The following ADGRL3 variants were observed in gnomAD, a reference collection of about 807,000 sequenced individuals.
ADGRL3 encodes adhesion G protein-coupled receptor L3.
A neutral mutation model predicts 153.5 loss-of-function variants in ADGRL3; 62 were observed. The observed-to-expected ratio is 0.40, with a 90% CI of 0.33 to 0.50. ADGRL3 has a LOEUF of 0.50. ADGRL3 is among the 20% of genes least tolerant of loss of function. The pLI is 0.47. For missense variants in ADGRL3, 1,641 were observed against 1,859.4 expected, an observed-to-expected ratio of 0.88 and a Z score of 2.16; for synonymous variants, 710 against 672.5, an observed-to-expected ratio of 1.06 and a Z score of -0.86.
intron 2 of ADGRL3, among the ~76,000 whole-genome samples, chr4:61,386,470 A>G (rs919957689): frequency 2.0e-5 from 3 of 152,198 alleles, no homozygotes; most frequent in African/African-American, 7.2e-5. Flanking sequence ...TTTGTAATAA[A>G]TTAACATCTA....
At chr4:61,916,321 T>G (rs1022669989) in intron 13 of ADGRL3, among the ~76,000 whole-genome samples, 2 of 152,214 alleles carry the variant, frequency 1.3e-5, no homozygotes, top group African/African-American at 4.8e-5. Flanking sequence ...TAAATTGATA[T>G]GTGTCATAGT....
At chr4:61,350,104 T>C (rs1048935684) in intron 1 of ADGRL3, among the ~76,000 whole-genome samples, 29 of 152,172 alleles carry the variant, frequency 1.9e-4, no homozygotes, top group African/African-American at 7.0e-4. Context: ...GTGATGTAGA[T>C]GATATTGTAG....
chr4:61,686,527 T>G (rs942683031), intron 6 of ADGRL3, among the ~76,000 whole-genome samples: 1 of 152,110 alleles, frequency 6.6e-6, no homozygotes, highest in Non-Finnish European at 1.5e-5. Flanking sequence ...GACACATAAT[T>G]GTGCACATTT....
At chr4:62,069,076 C>A (rs2151922677) in intron 26 of ADGRL3, among the ~76,000 whole-genome samples, 1 of 152,082 alleles carries the variant, frequency 6.6e-6, no homozygotes, top group African/African-American at 2.4e-5. Context: ...TTTGTGGTTG[C>A]ATTTGAAGTG....
chr4:62,029,032 C>A (rs1720474043), intron 22 of ADGRL3, among the ~76,000 whole-genome samples, 151 bp downstream of exon 22: 1 of 151,684 alleles, frequency 6.6e-6, no homozygotes, highest in African/African-American at 2.4e-5. Context: ...TGGCATACAA[C>A]CTATATGCAG....
intron 13 of ADGRL3, among the ~76,000 whole-genome samples, chr4:61,913,361 G>A (rs143198736): frequency 1.3e-5 from 2 of 152,204 alleles, no homozygotes; most frequent in East Asian, 1.9e-4. Context: ...GTATGACAGA[G>A]AACAACCTTA....
chr4:61,291,139 T>A lies in ADGRL3; in HGVS notation c.-240+89374T>A, dbSNP rs2094163156. 2.6e-5 allele frequency among the ~76,000 whole-genome samples: 4 copies of A among 151,210 alleles called. No individual in the cohort carries two copies. The South Asian group carries it at 8.3e-4, about 32-fold the overall frequency. ...TTTAAAGAACTTTGCTATATGTATT[T>A]TGAATTTTAAAGGCCTAAGATTTTG... On this transcript the variant is annotated intron_variant, in intron 1 of 26. Coordinates refer to ENST00000683033, the MANE Select transcript of ADGRL3 (RefSeq NM_001387552.1).
chr4:61,337,052 T>C (rs1204581642), intron 1 of ADGRL3, among the ~76,000 whole-genome samples: 6 of 90,580 alleles, frequency 6.6e-5, no homozygotes, highest in African/African-American at 1.7e-4. Flanking sequence ...GTGGATGAAT[T>C]GCCCTTTGTT....
Position 61,501,035 on chromosome 4 carries a change from G to A in ADGRL3, c.55+3687G>A, listed in dbSNP as rs977366816. Among the ~76,000 whole-genome samples, 5 of 152,096 alleles carry A rather than the reference G, an allele frequency of 3.3e-5. 1 individual carries two copies. Among genetic ancestry groups the A allele is most frequent in the Admixed American group, 3.3e-4 (5 of 15,258 alleles). On this transcript the variant is annotated intron_variant, in intron 3 of 26. Transcript: ENST00000683033. ...TGGGAGCAGGTGAGGCAGAAACATT[G>A]ACCATCTGCCTCTTCCATGTTCTTG...
chr4:61,717,903 A>T (rs1580432843), intron 6 of ADGRL3, among the ~76,000 whole-genome samples: 1 of 152,012 alleles, frequency 6.6e-6, no homozygotes, highest in Non-Finnish European at 1.5e-5. Flanking sequence ...GCATGGTGGT[A>T]CATGCCTGTA....
At chr4:61,580,773 T>C (rs887818235) in intron 4 of ADGRL3, among the ~76,000 whole-genome samples, 5 of 152,130 alleles carry the variant, frequency 3.3e-5, no homozygotes, top group Admixed American at 2.6e-4. Context: ...TCCATGGGAC[T>C]GCTTGAGTGC....
chr4:61,279,475 A>G (rs190120176), intron 1 of ADGRL3, among the ~76,000 whole-genome samples: 1 of 152,238 alleles, frequency 6.6e-6, no homozygotes, highest in East Asian at 1.9e-4. Context: ...TCCTTTTGAG[A>G]GTGTGGTCAA....
chr4:61,829,299 A>G (rs1461667139), intron 9 of ADGRL3, among the ~76,000 whole-genome samples: 1 of 152,192 alleles, frequency 6.6e-6, no homozygotes, highest in East Asian at 1.9e-4. Flanking sequence ...TGAATAGTCC[A>G]TTCGTGTAAC....
chr4:61,361,166 C>T (rs552992623), intron 1 of ADGRL3, among the ~76,000 whole-genome samples: 12 of 152,104 alleles, frequency 7.9e-5, no homozygotes, highest in Non-Finnish European at 1.8e-4. Context: ...CCTTTAACAG[C>T]CCTTTGATTT....
At chr4:61,824,239 T>A (rs1355886913) in intron 9 of ADGRL3, among the ~76,000 whole-genome samples, 2 of 152,140 alleles carry the variant, frequency 1.3e-5, no homozygotes, top group African/African-American at 4.8e-5. Flanking sequence ...TGACAAATAA[T>A]TTTTTGTGTG....
Position 61,472,277 on chromosome 4 carries a change from A to G in ADGRL3, c.-173-24844A>G, listed in dbSNP as rs933413020. Among the ~76,000 whole-genome samples, 3 of 152,108 alleles carry G rather than the reference A, an allele frequency of 2.0e-5. No individual in the cohort carries two copies. The South Asian group carries it at 6.2e-4, about 31-fold the overall frequency. ...CTATTACTGCTTGAAAAGTTCAAAG[A>G]CTAGAACTTTAAATATGATCTTATA... On this transcript the variant is annotated intron_variant, in intron 2 of 26. Coordinates refer to ENST00000683033, the MANE Select transcript of ADGRL3 (RefSeq NM_001387552.1).
intron 1 of ADGRL3, among the ~76,000 whole-genome samples, chr4:61,230,727 A>G (rs1416849853): frequency 6.6e-6 from 1 of 152,130 alleles, no homozygotes; most frequent in African/African-American, 2.4e-5. Context: ...TGTTTATCCC[A>G]TCCACCTATC....
chr4:61,976,834 A>G (rs1399271138), intron 17 of ADGRL3, among the ~76,000 whole-genome samples: 2 of 152,152 alleles, frequency 1.3e-5, no homozygotes, highest in African/African-American at 2.4e-5. Context: ...AGTCTTGGGT[A>G]TGTCTTTATC....
intron 1 of ADGRL3, among the ~76,000 whole-genome samples, chr4:61,322,588 A>G (rs539191949): frequency 2.0e-5 from 3 of 152,224 alleles, no homozygotes; most frequent in Non-Finnish European, 4.4e-5. Context: ...TCACCAAAAC[A>G]AAGGGGCTAC....
Sources: gnomAD v4.1 joint callset for allele counts (sites outside exome capture counted in the v4.1 genomes callset) on GRCh38, gnomAD v4.1.1 for gene constraint, MANE v1.5 for transcripts, NCBI Gene and HGNC (gene_info 2026-07-23, HGNC 2026-07-21) for gene names.